The following HHLA1 variants were observed in gnomAD, a reference collection of about 807,000 sequenced individuals.
HHLA1 encodes HERV-H LTR-associating protein 1.
HHLA1 carries 72 observed loss-of-function variants against 69.9 expected under a neutral mutation model. The ratio of observed to expected loss-of-function variants is 1.03; its 90% confidence interval spans 0.85 to 1.25. The LOEUF (loss-of-function observed/expected upper bound fraction) is 1.25, where lower values mean the gene tolerates loss of function less well. Among genes scored for constraint, HHLA1 ranks in the 50% most tolerant of loss-of-function variants. HHLA1 has a pLI of 0.00. For missense variants in HHLA1, 685 were observed against 642.2 expected (o/e 1.07, Z -0.72); for synonymous variants, 252 against 233.2 (o/e 1.08, Z -0.73).
intron 5 of HHLA1, among the ~76,000 whole-genome samples, chr8:132,096,258 G>C (rs556781948): frequency 2.0e-5 from 3 of 152,288 alleles, no homozygotes; most frequent in South Asian, 2.1e-4. Flanking sequence ...ATCTCTCTCT[G>C]TTCTATCATC....
chr8:132,094,324 G>A (rs1017632825), intron 7 of HHLA1, among the ~76,000 whole-genome samples: 1 of 152,176 alleles, frequency 6.6e-6, no homozygotes, highest in Non-Finnish European at 1.5e-5. Flanking sequence ...TCCCTTCCCT[G>A]TGCAGACAAT....
rs1212098525 is a variant in HHLA1 at position 132,071,467 on chromosome 8, C to T, written c.1342G>A (p.Gly448Arg). 1 of 1,551,450 alleles carries T rather than the reference C, an allele frequency of 6.4e-7. No individual in the cohort carries two copies. The highest frequency in any genetic ancestry group is 2.4e-5 in the East Asian group (1 of 40,918). The change falls in exon 15 of 17, where the codon GGA becomes AGA. Residue 448 changes from glycine to arginine, a missense_variant. Physicochemically the swap from Gly to Arg is moderately radical, Grantham distance 125. Transcript: ENST00000414222. ...SRCPQPLFKV[G>R]AMAAAPLTLA... Reference sequence around the variant, plus strand: ...GTGAGAGGAGCAGCTGCCATAGCTCCCACCTTGAAGAGTGGCTGAGGACAC... The same window carrying T: ...GTGAGAGGAGCAGCTGCCATAGCTCTCACCTTGAAGAGTGGCTGAGGACAC...
chr8:132,108,948 A>T (rs2469501), intron 1 of HHLA1, among the ~76,000 whole-genome samples: 80,741 of 152,058 alleles, frequency 0.53, 21,574 homozygotes, highest in South Asian at 0.65. Context: ...CGGTCACCTT[A>T]TTGTTAAAGT....
intron 5 of HHLA1, among the ~76,000 whole-genome samples, chr8:132,096,963 C>T (rs927749846): frequency 1.3e-5 from 2 of 152,194 alleles, no homozygotes; most frequent in African/African-American, 2.4e-5. Context: ...GCATGACCCA[C>T]TGTGCCCGGT....
At chr8:132,079,317 A>T (rs1400545891) in intron 11 of HHLA1, among the ~76,000 whole-genome samples, 1 of 152,226 alleles carries the variant, frequency 6.6e-6, no homozygotes, top group Non-Finnish European at 1.5e-5. Flanking sequence ...TTTCATGTGA[A>T]TTTCAGGAGC....
intron 14 of HHLA1, 104 bp downstream of exon 14, chr8:132,075,951 A>T (rs1823630621): frequency 1.2e-6 from 1 of 803,906 alleles, no homozygotes; most frequent in African/African-American, 1.7e-5. Flanking sequence ...GAATCCCATG[A>T]GTCTGATTTT....
chr8:132,110,452 A>T (rs1033235913), intron 1 of HHLA1, among the ~76,000 whole-genome samples: 6 of 152,248 alleles, frequency 3.9e-5, no homozygotes, highest in Non-Finnish European at 8.8e-5. Flanking sequence ...CTTTTAAAAA[A>T]TACCTAATGA....
At chr8:132,098,811 G>T in intron 5 of HHLA1, 71 bp downstream of exon 5, 3 of 925,700 alleles carry the variant, frequency 3.2e-6, no homozygotes, top group Non-Finnish European at 5.1e-6. Context: ...CAAGGCAACA[G>T]AAAGGTTCAG....
intron 7 of HHLA1, among the ~76,000 whole-genome samples, chr8:132,095,294 G>A (rs936018584): frequency 2.6e-5 from 4 of 152,172 alleles, no homozygotes; most frequent in East Asian, 1.9e-4. Flanking sequence ...TGGATATTTA[G>A]GTTGTTCCTC....
chr8:132,067,722 C>T lies in HHLA1; in HGVS notation c.1470-1754G>A, dbSNP rs1823465538. On this transcript the variant is annotated intron_variant, in intron 15 of 16. Coordinates refer to ENST00000414222, the MANE Select transcript of HHLA1 (RefSeq NM_001145095.3). ...ATATATTATTTCATTTCATTTTGTT[C>T]TCACAACACTGTCAATATGAGACTG... 1.3e-5 allele frequency among the ~76,000 whole-genome samples: 2 copies of T among 152,204 alleles called. 1 individual carries two copies. The highest frequency in any genetic ancestry group is 4.1e-4 in the South Asian group (2 of 4,832).
intron 1 of HHLA1, among the ~76,000 whole-genome samples, chr8:132,105,897 TCA>T (rs1824195521): frequency 6.6e-6 from 1 of 152,240 alleles, no homozygotes; most frequent in Non-Finnish European, 1.5e-5. Context: ...ATATGTGTGT[TCA>T]CAGTCTCTTT....
chr8:132,099,535 C>T (rs1824080870), intron 4 of HHLA1, among the ~76,000 whole-genome samples: 1 of 152,132 alleles, frequency 6.6e-6, no homozygotes, highest in South Asian at 2.1e-4. Context: ...GTTAAAATTC[C>T]CACTTCCCCC....
chr8:132,068,794 G>T (rs1823482193), intron 15 of HHLA1, among the ~76,000 whole-genome samples: 1 of 152,204 alleles, frequency 6.6e-6, no homozygotes, highest in East Asian at 1.9e-4. Flanking sequence ...AGTCACCAGG[G>T]ACTGTGGCTT....
intron 10 of HHLA1, among the ~76,000 whole-genome samples, chr8:132,086,806 A>C (rs1428283759): frequency 2.0e-5 from 3 of 152,208 alleles, no homozygotes; most frequent in Non-Finnish European, 2.9e-5. Flanking sequence ...CATAATCAAA[A>C]GATGCCCTAC....
chr8:132,099,971 G>A, intron 4 of HHLA1, 104 bp downstream of exon 4: 1 of 792,158 alleles, frequency 1.3e-6, no homozygotes, highest in South Asian at 1.5e-5. Context: ...AATGATTAAA[G>A]AGATGACGTT....
intron 3 of HHLA1, among the ~76,000 whole-genome samples, chr8:132,102,859 T>G (rs1824133846): frequency 6.6e-6 from 1 of 151,424 alleles, no homozygotes. Flanking sequence ...TTTCTACCAC[T>G]CCTTGGGTTG....
chr8:132,085,507 G>C (rs1462587995), intron 10 of HHLA1: 1 of 362,670 alleles, frequency 2.8e-6, no homozygotes, highest in African/African-American at 2.2e-5. Flanking sequence ...GACGGGGATT[G>C]ATTTCCCAAG....
At chr8:132,098,483 G>A (rs780237766) in intron 5 of HHLA1, among the ~76,000 whole-genome samples, 1 of 151,824 alleles carries the variant, frequency 6.6e-6, no homozygotes, top group African/African-American at 2.4e-5. Flanking sequence ...GTTTTTTGAG[G>A]CAAAGTCTCA....
chr8:132,064,244 A>G (rs1823400499), intron 16 of HHLA1, among the ~76,000 whole-genome samples: 1 of 152,194 alleles, frequency 6.6e-6, no homozygotes, highest in Admixed American at 6.5e-5. Flanking sequence ...TTAGCATCAA[A>G]GTCTAGTGAG....
Sources: allele counts gnomAD v4.1 joint callset (sites outside exome capture counted in the v4.1 genomes callset), GRCh38; gene constraint gnomAD v4.1.1; transcripts MANE v1.5; gene names NCBI Gene and HGNC (gene_info 2026-07-23, HGNC 2026-07-21).